The following RBFOX1 variants were observed in gnomAD, a reference collection of about 807,000 sequenced individuals.
RBFOX1 encodes RNA binding fox-1 homolog 1.
Under a neutral mutation model 57.7 loss-of-function variants are expected in RBFOX1, and 8 were observed. The observed-to-expected ratio is 0.14, with a 90% CI of 0.08 to 0.25. The LOEUF (loss-of-function observed/expected upper bound fraction) is 0.25, where lower values mean the gene tolerates loss of function less well. Ranked by LOEUF, RBFOX1 falls within the 10% of genes least tolerant of loss-of-function variation. The probability of loss-of-function intolerance (pLI) is 1.00; values close to 1 mark genes in which losing one functional copy is unlikely to be tolerated. For synonymous variants in RBFOX1, 326 were observed against 222.4 expected (o/e 1.47, Z -4.15); for missense variants, 611 against 548.5 (o/e 1.11, Z -1.14).
At chr16:5,752,203 G>A (rs2053232686) in intron 3 of RBFOX1, among the ~76,000 whole-genome samples, 1 of 152,204 alleles carries the variant, frequency 6.6e-6, no homozygotes, top group Non-Finnish European at 1.5e-5. Flanking sequence ...TTCTTACTTA[G>A]AAGTGGTAGC....
chr16:5,391,334 T>C (rs2066401716), intron 1 of RBFOX1, among the ~76,000 whole-genome samples: 2 of 123,606 alleles, frequency 1.6e-5, no homozygotes, highest in Non-Finnish European at 3.6e-5. Flanking sequence ...CTAGAGGCTT[T>C]AGGGGAGAAT....
intron 1 of RBFOX1, among the ~76,000 whole-genome samples, chr16:6,093,214 G>A (rs1218423218): frequency 6.6e-6 from 1 of 152,082 alleles, no homozygotes; most frequent in East Asian, 1.9e-4. Context: ...TCATGGTTTA[G>A]GATTTTAATA....
rs868217708 is a variant in RBFOX1 at position 6,211,820 on chromosome 16, T to A, written c.-126-105175T>A. 1.7e-4 allele frequency among the ~76,000 whole-genome samples: 24 copies of A among 140,878 alleles called. 1 individual carries two copies. The South Asian group carries it at 3.1e-3, about 18-fold the overall frequency. 92.4% of individuals were successfully genotyped at this position (140,878 alleles called of 152,430 possible). On this transcript the variant is annotated intron_variant, in intron 1 of 15. Coordinates refer to ENST00000550418, the MANE Select transcript of RBFOX1 (RefSeq NM_018723.4). Reference sequence around the variant, plus strand: ...TTCCATCCACTTAAAGGAATACATCTTTTATTTATTTATTTATTTATTTAT... The same window carrying A: ...TTCCATCCACTTAAAGGAATACATCATTTATTTATTTATTTATTTATTTAT...
intron 2 of RBFOX1, among the ~76,000 whole-genome samples, chr16:5,475,212 A>C (rs1464193094): frequency 6.6e-6 from 1 of 152,192 alleles, no homozygotes; most frequent in East Asian, 1.9e-4. Flanking sequence ...TTTATTACAA[A>C]GACTTTTCTT....
intron 3 of RBFOX1, among the ~76,000 whole-genome samples, chr16:5,724,790 C>T (rs1384455290): frequency 6.6e-6 from 1 of 152,110 alleles, no homozygotes; most frequent in Non-Finnish European, 1.5e-5. Context: ...ATATTCTTCT[C>T]CTTGTTGGAT....
chr16:7,265,598 A>C (rs372206955), intron 4 of RBFOX1, among the ~76,000 whole-genome samples: 2 of 151,470 alleles, frequency 1.3e-5, no homozygotes, highest in African/African-American at 4.9e-5. Flanking sequence ...ACAGGCACCC[A>C]CCACCACGCC....
chr16:6,505,739 A>G (rs2096071694), intron 2 of RBFOX1, among the ~76,000 whole-genome samples: 1 of 152,220 alleles, frequency 6.6e-6, no homozygotes, highest in Non-Finnish European at 1.5e-5. Flanking sequence ...TCAAGAGTCT[A>G]ATGAAGGAGA....
chr16:5,874,275 G>C (rs1044606053), intron 4 of RBFOX1, among the ~76,000 whole-genome samples: 1 of 152,190 alleles, frequency 6.6e-6, no homozygotes, highest in African/African-American at 2.4e-5. Flanking sequence ...AGGGATCAAT[G>C]GTCCTCTGGC....
intron 4 of RBFOX1, among the ~76,000 whole-genome samples, chr16:7,428,505 T>TATTATC: frequency 7.3e-6 from 1 of 137,486 alleles, no homozygotes; most frequent in East Asian, 2.0e-4. Context: ...TTATTATTAT[T>TATTATC]ATTATTATTA....
intron 3 of RBFOX1, among the ~76,000 whole-genome samples, chr16:6,761,993 G>A (rs375336770): frequency 9.2e-5 from 14 of 151,964 alleles, no homozygotes; most frequent in East Asian, 1.9e-4. Context: ...CTCACGTGCC[G>A]CTCAAGCTCG....
intron 3 of RBFOX1, among the ~76,000 whole-genome samples, chr16:7,032,368 C>G (rs2043029167): frequency 6.6e-6 from 1 of 151,972 alleles, no homozygotes; most frequent in African/African-American, 2.4e-5. Flanking sequence ...TTGCTTGAAC[C>G]CAGGAGGTGG....
intron 1 of RBFOX1, among the ~76,000 whole-genome samples, chr16:6,094,872 C>T (rs1182470776): frequency 6.6e-6 from 1 of 152,136 alleles, no homozygotes; most frequent in African/African-American, 2.4e-5. Flanking sequence ...CCAGCCTGGC[C>T]AACATGATGA....
chr16:6,101,248 C>G (rs530240768), intron 1 of RBFOX1, among the ~76,000 whole-genome samples: 1 of 152,326 alleles, frequency 6.6e-6, no homozygotes, highest in African/African-American at 2.4e-5. Context: ...CTCAAAACAG[C>G]ATGCACCTTC....
At chr16:5,430,973 A>G (rs950747138) in intron 1 of RBFOX1, among the ~76,000 whole-genome samples, 1 of 152,206 alleles carries the variant, frequency 6.6e-6, no homozygotes, top group Non-Finnish European at 1.5e-5. Flanking sequence ...TAATAAGGTG[A>G]CTGGTCCCCC....
chr16:5,987,871 C>T (rs558820031), intron 4 of RBFOX1, among the ~76,000 whole-genome samples: 3 of 152,302 alleles, frequency 2.0e-5, no homozygotes, highest in African/African-American at 4.8e-5. Context: ...TTTTCAATAG[C>T]ATTTTATATA....
chr16:7,264,250 C>A (rs1332841482), intron 4 of RBFOX1, among the ~76,000 whole-genome samples: 1 of 152,132 alleles, frequency 6.6e-6, no homozygotes, highest in African/African-American at 2.4e-5. Flanking sequence ...AGGGAGTGAA[C>A]TGGACAGAAG....
intron 3 of RBFOX1, among the ~76,000 whole-genome samples, chr16:5,661,380 A>T (rs904919259): frequency 6.6e-6 from 1 of 152,200 alleles, no homozygotes; most frequent in Admixed American, 6.5e-5. Flanking sequence ...TGGTGTGTAT[A>T]TAAGCCACAG....
chr16:6,355,402 G>C (rs746382346), intron 2 of RBFOX1, among the ~76,000 whole-genome samples: 1 of 151,752 alleles, frequency 6.6e-6, no homozygotes, highest in Admixed American at 6.6e-5. Flanking sequence ...TTCTGTTGTT[G>C]TGATAGTTTG....
At chr16:6,371,604 C>T (rs927051545) in intron 2 of RBFOX1, among the ~76,000 whole-genome samples, 2 of 152,010 alleles carry the variant, frequency 1.3e-5, no homozygotes, top group African/African-American at 4.8e-5. Flanking sequence ...ACTTTTCTTG[C>T]CCCAGTCCTA....
Sources: gnomAD v4.1 joint callset for allele counts (sites outside exome capture counted in the v4.1 genomes callset) on GRCh38, gnomAD v4.1.1 for gene constraint, MANE v1.5 for transcripts, NCBI Gene and HGNC (gene_info 2026-07-23, HGNC 2026-07-21) for gene names.